The following EVL variants were observed in gnomAD, a reference collection of about 807,000 sequenced individuals.
The protein encoded by EVL is Enah/Vasp-like.
A neutral mutation model predicts 59.6 loss-of-function variants in EVL; 21 were observed. The ratio of observed to expected loss-of-function variants is 0.35; its 90% CI spans 0.25 to 0.51. The LOEUF is 0.51. EVL is among the 20% of genes least tolerant of loss of function. The probability of loss-of-function intolerance (pLI) is 0.97; values close to 1 mark genes in which losing one functional copy is unlikely to be tolerated. For synonymous variants in EVL, 198 were observed against 203.5 expected, an observed-to-expected ratio of 0.97 and a Z score of 0.23; for missense variants, 462 against 546.6, an observed-to-expected ratio of 0.85 and a Z score of 1.54.
intron 1 of EVL, among the ~76,000 whole-genome samples, chr14:100,028,161 C>G (rs1382061109): frequency 7.6e-6 from 1 of 131,968 alleles, no homozygotes; most frequent in Non-Finnish European, 1.6e-5. Context: ...TGAGGAACCT[C>G]CAAACTGTTT....
At chr14:100,077,509 G>A (rs1040790472) in intron 1 of EVL, among the ~76,000 whole-genome samples, 34 of 152,236 alleles carry the variant, frequency 2.2e-4, no homozygotes, top group African/African-American at 7.2e-4. Context: ...GGACAGGACT[G>A]GAGAGCCATC....
In EVL at chr14:99,990,716, T is replaced by G. The variant is rs145471827; in HGVS notation, c.5+18659T>G. On this transcript the variant is annotated intron_variant, in intron 1 of 13. Transcript: ENST00000402714. ...TGCAAAATATTATACTCTATATATA[T>G]ATAGAGAGAGAGATGCTACTTTTTA... Among the ~76,000 whole-genome samples, 150 of 152,246 alleles carry G rather than the reference T, an allele frequency of 9.9e-4. No homozygotes were observed. In the Middle Eastern group the frequency reaches 0.01, roughly 10 times the overall value.
chr14:100,117,371 G>T (rs1373524975), intron 3 of EVL, among the ~76,000 whole-genome samples: 2 of 152,190 alleles, frequency 1.3e-5, no homozygotes, highest in East Asian at 1.9e-4. Context: ...CCGCCAGGGG[G>T]CTCCGAGCCG....
At chr14:100,126,675 A>T in intron 4 of EVL, 32 bp from the exon 5 acceptor site, 3 of 1,612,290 alleles carry the variant, frequency 1.9e-6, no homozygotes, top group Non-Finnish European at 2.5e-6. Context: ...AGAGTGGAGG[A>T]GTCAGACTGC....
chr14:100,049,224 C>A (rs2061606678), intron 1 of EVL, among the ~76,000 whole-genome samples: 1 of 152,124 alleles, frequency 6.6e-6, no homozygotes, highest in South Asian at 2.1e-4. Context: ...TTCCTTAAAA[C>A]CATTGGAAAT....
intron 1 of EVL, among the ~76,000 whole-genome samples, chr14:100,025,164 A>G (rs763959445): frequency 4.6e-5 from 7 of 152,090 alleles, no homozygotes; most frequent in Non-Finnish European, 1.0e-4. Context: ...CCTGTTCTCA[A>G]ACCACCCACC....
intron 3 of EVL, among the ~76,000 whole-genome samples, chr14:100,103,046 G>A (rs1886327111): frequency 6.7e-6 from 1 of 148,906 alleles, no homozygotes; most frequent in Non-Finnish European, 1.5e-5. Context: ...AGGTTGCAGT[G>A]AGCCGAGATC....
rs530613789 is a variant in EVL at position 100,102,835 on chromosome 14, C to A, written c.358+5177C>A. On this transcript the variant is annotated intron_variant, in intron 3 of 13. Coordinates refer to ENST00000392920, the MANE Select transcript of EVL (RefSeq NM_016337.3). ...CATAAAGGGTGGGCACAGTGGCTCA[C>A]GCCTGTAATCCCACCACTTTGTGAG... Among the ~76,000 whole-genome samples, 3 of 152,166 alleles carry A rather than the reference C, an allele frequency of 2.0e-5. No homozygotes were observed. The East Asian group carries it at 5.8e-4, about 29-fold the overall frequency.
chr14:100,080,859 C>A (rs933009871), intron 1 of EVL, among the ~76,000 whole-genome samples: 1 of 152,132 alleles, frequency 6.6e-6, no homozygotes, highest in Non-Finnish European at 1.5e-5. Flanking sequence ...ATAAAAGAAG[C>A]CTGTGAGACT....
At chr14:100,030,052 T>TA (rs1217923684) in intron 1 of EVL, among the ~76,000 whole-genome samples, 1 of 152,074 alleles carries the variant, frequency 6.6e-6, no homozygotes, top group African/African-American at 2.4e-5. Flanking sequence ...ATGGGACTAT[T>TA]ACCAATCTCT....
intron 1 of EVL, among the ~76,000 whole-genome samples, chr14:100,039,517 G>T (rs1488933608): frequency 6.6e-6 from 1 of 152,128 alleles, no homozygotes; most frequent in African/African-American, 2.4e-5. Context: ...GATTACAGGC[G>T]TGAGCCACTG....
intron 1 of EVL, among the ~76,000 whole-genome samples, chr14:100,075,770 T>G (rs753385538): frequency 6.6e-6 from 1 of 152,214 alleles, no homozygotes; most frequent in Non-Finnish European, 1.5e-5. Flanking sequence ...ATATACCTAC[T>G]GAGCGTAAGG....
In EVL at chr14:100,087,476, G is replaced by A. The variant is rs200801748; in HGVS notation, c.180+2621G>A. ...AAAAAAATATATAAATTATCTGGGC[G>A]TGGTGGGGCATGCCTGTAGTCCCAG... On this transcript the variant is annotated intron_variant, in intron 2 of 13. Transcript: ENST00000392920. Among the ~76,000 whole-genome samples the A allele has an allele frequency of 1.2e-4, 19 of 152,256 alleles. 1 individual carries two copies. In the East Asian group the frequency reaches 1.9e-3, roughly 16 times the overall value.
chr14:100,122,314 A>AT (rs1380516393), intron 3 of EVL, among the ~76,000 whole-genome samples: 1 of 152,236 alleles, frequency 6.6e-6, no homozygotes, highest in Non-Finnish European at 1.5e-5. Flanking sequence ...CACTTGCTGT[A>AT]TGTAAGACCT....
intron 1 of EVL, chr14:100,074,370 CCT>C: frequency 6.6e-6 from 1 of 152,300 alleles, no homozygotes; most frequent in East Asian, 1.9e-4. Flanking sequence ...CCAACATTGT[CCT>C]TTTTCAAGAT....
intron 8 of EVL, chr14:100,135,619 C>T (rs1319229903): frequency 2.2e-5 from 8 of 366,290 alleles, no homozygotes; most frequent in Middle Eastern, 8.4e-4. Context: ...AAGGGGGGCT[C>T]AGGGCTTGCG....
intron 1 of EVL, among the ~76,000 whole-genome samples, chr14:100,069,992 C>CA (rs1430286071): frequency 3.3e-5 from 5 of 149,754 alleles, no homozygotes; most frequent in African/African-American, 7.4e-5. Context: ...TTTGAGAGGC[C>CA]AACGCAGGTA....
chr14:100,013,590 G>A (rs2061031214), intron 1 of EVL, among the ~76,000 whole-genome samples: 1 of 152,178 alleles, frequency 6.6e-6, no homozygotes, highest in South Asian at 2.1e-4. Context: ...GGGACCGAGG[G>A]TCCCCTGGCC....
At chr14:100,138,050 G>A in intron 11 of EVL, 1 of 584,720 alleles carries the variant, frequency 1.7e-6, no homozygotes, top group South Asian at 2.0e-5. Flanking sequence ...GTGCAGGGGG[G>A]GGCCAACATG....
Sources: gnomAD v4.1 joint callset for allele counts (sites outside exome capture counted in the v4.1 genomes callset) on GRCh38, gnomAD v4.1.1 for gene constraint, MANE v1.5 for transcripts, NCBI Gene and HGNC (gene_info 2026-07-23, HGNC 2026-07-21) for gene names.